Variants in PDE1A observed in about 807,000 individuals in gnomAD.
The protein encoded by PDE1A is phosphodiesterase 1A, also known as dual specificity calcium/calmodulin-dependent 3',5'-cyclic nucleotide phosphodiesterase 1A.
A neutral mutation model predicts 61.7 loss-of-function variants in PDE1A; 35 were observed. The ratio of observed to expected loss-of-function variants is 0.57; its 90% CI spans 0.43 to 0.75. The LOEUF (loss-of-function observed/expected upper bound fraction) is 0.75, where lower values mean the gene tolerates loss of function less well. PDE1A is among the 30% of genes least tolerant of loss of function. PDE1A has a pLI of 0.00. For missense variants in PDE1A, 597 were observed against 630.6 expected, an observed-to-expected ratio of 0.95 and a Z score of 0.57; for synonymous variants, 232 against 213.2, an observed-to-expected ratio of 1.09 and a Z score of -0.77.
chr2:182,158,313 T>C (rs1189002725), intron 13 of PDE1A, among the ~76,000 whole-genome samples: 1 of 152,240 alleles, frequency 6.6e-6, no homozygotes, highest in East Asian at 1.9e-4. Context: ...TAAAGACTCA[T>C]GTAACAGGTT....
chr2:182,612,548 A>G, the PDE1A span, among the ~76,000 whole-genome samples: 1 of 152,198 alleles, frequency 6.6e-6, no homozygotes, highest in Non-Finnish European at 1.5e-5. Flanking sequence ...AAAAAAAATG[A>G]CAACAAAAAA....
intron 13 of PDE1A, among the ~76,000 whole-genome samples, chr2:182,160,989 C>T (rs915440807): frequency 2.6e-5 from 4 of 152,168 alleles, no homozygotes; most frequent in Non-Finnish European, 4.4e-5. Flanking sequence ...GCACTTGATG[C>T]TTCTAATTCA....
In PDE1A at chr2:182,395,716, T is replaced by G. The variant is rs140306631; in HGVS notation, c.53+30862A>C. ...ATGATCCAGCAGATCCAATGGTGCT[T>G]GAGGTGTCAGTGGCAGATAGGGATG... is the stretch of plus-strand genomic sequence containing the variant. On this transcript the variant is annotated intron_variant, in intron 1 of 13. Transcript: ENST00000351439. 9.8e-3 allele frequency among the ~76,000 whole-genome samples: 1,487 copies of G among 152,292 alleles called. 26 individuals carry two copies. Among genetic ancestry groups the G allele is most frequent in the African/African-American group, 0.034 (1,407 of 41,566 alleles).
chr2:182,600,081 T>A, the PDE1A span, among the ~76,000 whole-genome samples: 1 of 152,222 alleles, frequency 6.6e-6, no homozygotes, highest in Admixed American at 6.5e-5. Flanking sequence ...TTTCCATCAT[T>A]GTTAATTAGA....
In PDE1A at chr2:182,186,156, A is replaced by G. The variant is rs1685187197; in HGVS notation, c.1329-77T>C. 8.8e-6 allele frequency: 13 copies of G among 1,472,942 alleles called. No homozygotes were observed. The South Asian group carries it at 9.1e-5, about 10-fold the overall frequency. 91.2% of individuals were successfully genotyped at this position (1,472,942 alleles called of 1,614,324 possible). On this transcript the variant is annotated intron_variant, in intron 12 of 13. Coordinates refer to ENST00000351439, the Ensembl canonical transcript of PDE1A. ...ACAAGGAAAACCTGAAAAACTTTAC[A>G]AAACCGACTAGAAAAGCAGGATAGT... is the stretch of plus-strand genomic sequence containing the variant.
intron 2 of PDE1A, among the ~76,000 whole-genome samples, chr2:182,482,379 TGGA>T (rs1307632034): frequency 2.6e-5 from 4 of 151,900 alleles, no homozygotes; most frequent in Non-Finnish European, 5.9e-5. Context: ...AATATGATTA[TGGA>T]GTTTTTCAGT....
At chr2:182,664,781 AT>A in the PDE1A span, among the ~76,000 whole-genome samples, 1 of 152,198 alleles carries the variant, frequency 6.6e-6, no homozygotes, top group Non-Finnish European at 1.5e-5. Flanking sequence ...TGGATCAAAA[AT>A]ATCAAAGGCT....
At chr2:182,635,854 T>C in the PDE1A span, among the ~76,000 whole-genome samples, 2 of 152,068 alleles carry the variant, frequency 1.3e-5, no homozygotes, top group African/African-American at 4.8e-5. Flanking sequence ...GATTAATGTT[T>C]TCTGAGGTCT....
upstream of PDE1A, among the ~76,000 whole-genome samples, chr2:182,430,898 A>C: frequency 8.5e-6 from 1 of 118,254 alleles, no homozygotes; most frequent in African/African-American, 3.1e-5. Context: ...ATAGGTGGGA[A>C]TTGAACAATG....
chr2:182,643,472 T>A, the PDE1A span, among the ~76,000 whole-genome samples: 2 of 152,184 alleles, frequency 1.3e-5, no homozygotes, highest in Non-Finnish European at 2.9e-5. Context: ...CATCTTGCAT[T>A]CTCATCTCAG....
the PDE1A span, among the ~76,000 whole-genome samples, chr2:182,564,270 C>G: frequency 6.6e-6 from 1 of 152,132 alleles, no homozygotes; most frequent in South Asian, 2.1e-4. Flanking sequence ...AATCTCTCAG[C>G]ATTTGCTTGT....
chr2:182,528,260 T>C, the PDE1A span, among the ~76,000 whole-genome samples: 3 of 152,130 alleles, frequency 2.0e-5, no homozygotes, highest in East Asian at 1.9e-4. Flanking sequence ...TGGTCTCAAA[T>C]AGAGATGAGG....
chr2:182,429,926 T>C (rs544968119), upstream of PDE1A, among the ~76,000 whole-genome samples: 14 of 152,146 alleles, frequency 9.2e-5, no homozygotes, highest in Non-Finnish European at 1.6e-4. Context: ...AGCACGTAAG[T>C]CTAGTCAAAT....
chr2:182,341,870 A>C (rs1451676644), intron 1 of PDE1A, among the ~76,000 whole-genome samples: 1 of 152,010 alleles, frequency 6.6e-6, no homozygotes, highest in Non-Finnish European at 1.5e-5. Context: ...CAATCCTCCC[A>C]TCTCAGCCTC....
chr2:182,153,991 A>G lies in PDE1A; in HGVS notation c.1517-6839T>C, dbSNP rs926709052. Among the ~76,000 whole-genome samples, 4 of 152,170 alleles carry G rather than the reference A, an allele frequency of 2.6e-5. No homozygotes were observed. In the East Asian group the frequency reaches 7.7e-4, roughly 29 times the overall value. On this transcript the variant is annotated intron_variant, in intron 13 of 13. Transcript: ENST00000409365. ...ATTCTTTATCTTTATAAATAGGACA[A>G]ATTAACTGTAGAATATTGATTTTAA...
At chr2:182,366,871 TCA>T (rs2125216041) in intron 1 of PDE1A, among the ~76,000 whole-genome samples, 1 of 152,162 alleles carries the variant, frequency 6.6e-6, no homozygotes, top group South Asian at 2.1e-4. Context: ...CCTTGAGCAA[TCA>T]GAGTGGTACA....
chr2:182,559,992 T>C, the PDE1A span, among the ~76,000 whole-genome samples: 3 of 151,824 alleles, frequency 2.0e-5, no homozygotes, highest in Admixed American at 6.5e-5. Flanking sequence ...TGGAAGGTAG[T>C]TTGTGGGGGA....
chr2:182,328,999 G>C (rs1180920095), intron 1 of PDE1A, among the ~76,000 whole-genome samples: 1 of 152,090 alleles, frequency 6.6e-6, no homozygotes, highest in African/African-American at 2.4e-5. Context: ...CTTTTCTCTA[G>C]GGAAAGAATC....
chr2:182,265,038 T>C (rs542999465), intron 1 of PDE1A, among the ~76,000 whole-genome samples: 1 of 151,740 alleles, frequency 6.6e-6, no homozygotes, highest in East Asian at 1.9e-4. Flanking sequence ...TTCTCACTTA[T>C]AAGTGGGAGC....
Sources: allele counts gnomAD v4.1 joint callset (sites outside exome capture counted in the v4.1 genomes callset), GRCh38; gene constraint gnomAD v4.1.1; transcripts MANE v1.5; gene names NCBI Gene and HGNC (gene_info 2026-07-23, HGNC 2026-07-21).